Variants in ARPP21 observed in about 807,000 individuals in gnomAD.
ARPP21 encodes cAMP regulated phosphoprotein 21, also known as cAMP-regulated phosphoprotein 21.
Under a neutral mutation model 113.2 loss-of-function variants are expected in ARPP21, and 69 were observed. The observed-to-expected ratio is 0.61, with a 90% CI of 0.50 to 0.74. The LOEUF is 0.74. ARPP21 is among the 30% of genes least tolerant of loss of function. The probability of loss-of-function intolerance (pLI) is 0.00; values close to 1 mark genes in which losing one functional copy is unlikely to be tolerated. For synonymous variants in ARPP21, 368 were observed against 375.5 expected, an observed-to-expected ratio of 0.98 and a Z score of 0.23; for missense variants, 1,070 against 1,037.4, an observed-to-expected ratio of 1.03 and a Z score of -0.43.
chr3:35,678,017 C>T (rs566376607), intron 1 of ARPP21, among the ~76,000 whole-genome samples: 21 of 152,060 alleles, frequency 1.4e-4, no homozygotes, highest in Non-Finnish European at 2.4e-4. Context: ...AATAATACCT[C>T]GCTGACTTTA....
chr3:35,705,803 G>A (rs1022596964), intron 9 of ARPP21, among the ~76,000 whole-genome samples: 1 of 152,038 alleles, frequency 6.6e-6, no homozygotes, highest in African/African-American at 2.4e-5. Flanking sequence ...AACTCTAACT[G>A]ATATTATTCC....
chr3:35,645,708 G>A (rs1004143701), intron 1 of ARPP21, among the ~76,000 whole-genome samples: 9 of 151,860 alleles, frequency 5.9e-5, no homozygotes, highest in Non-Finnish European at 1.3e-4. Flanking sequence ...ATCCTTGGTT[G>A]CTTCTTTATT....
At chr3:35,780,401 G>A (rs557902660) in intron 19 of ARPP21, among the ~76,000 whole-genome samples, 1 of 152,260 alleles carries the variant, frequency 6.6e-6, no homozygotes, top group African/African-American at 2.4e-5. Context: ...GCATATATTG[G>A]TTATTGCCAG....
chr3:35,680,123 C>T (rs561519108), intron 2 of ARPP21, among the ~76,000 whole-genome samples, 163 bp downstream of exon 2: 20 of 151,984 alleles, frequency 1.3e-4, no homozygotes, highest in African/African-American at 4.8e-4. Flanking sequence ...TCAATTTGTT[C>T]ACTCCATTTT....
Position 35,717,300 on chromosome 3 carries a change from G to T in ARPP21, c.938G>T (p.Arg313Met), listed in dbSNP as rs574844611. The part of the protein sequence containing the change: ...SQESLFVENS[R>M]LLEDSNICNE... ...AAAATCATGTTTTTCATTTCCAGTA[G>T]GCTCTTGGAAGACAGTAACATATGC... Residue 313 changes from arginine (R) to methionine (M), a missense_variant and splice_region_variant, in exon 13 of 21, where the codon AGG becomes ATG. Arg to Met is a moderately conservative substitution (Grantham distance 91). Coordinates refer to ENST00000684406, the MANE Select transcript of ARPP21 (RefSeq NM_001385562.1). 47 of 1,594,338 alleles carry T rather than the reference G, an allele frequency of 2.9e-5. 1 individual carries two copies. The South Asian group carries it at 5.2e-4, about 18-fold the overall frequency.
chr3:35,662,919 T>C (rs1028927684), intron 1 of ARPP21, among the ~76,000 whole-genome samples: 1 of 151,874 alleles, frequency 6.6e-6, no homozygotes, highest in African/African-American at 2.4e-5. Context: ...CTGGGAAGGG[T>C]GAGTGGCATA....
At chr3:35,641,300 C>CATTCAAATGCAGAATAA (rs1697992601) in intron 1 of ARPP21, 2 of 152,178 alleles carry the variant, frequency 1.3e-5, no homozygotes, top group Non-Finnish European at 2.9e-5. Flanking sequence ...TATAAGATTT[C>CATTCAAATGCAGAATAA]ATTCAAATGC....
At chr3:35,654,208 A>C (rs539462931) in intron 1 of ARPP21, among the ~76,000 whole-genome samples, 6 of 152,212 alleles carry the variant, frequency 3.9e-5, no homozygotes, top group African/African-American at 1.4e-4. Context: ...ATGCATATTA[A>C]GTGATGAGTG....
At chr3:35,700,459 G>A (rs1051985374) in intron 9 of ARPP21, among the ~76,000 whole-genome samples, 5 of 151,388 alleles carry the variant, frequency 3.3e-5, no homozygotes, top group African/African-American at 7.3e-5. Flanking sequence ...ATGTATTAAT[G>A]CTACTATCAT....
chr3:35,721,009 T>C (rs566205935), intron 13 of ARPP21, among the ~76,000 whole-genome samples: 28 of 152,246 alleles, frequency 1.8e-4, no homozygotes, highest in Non-Finnish European at 2.9e-4. Context: ...TTAAACTCAG[T>C]GGGCAAAATT....
chr3:35,791,845 A>G (rs2096754230), intron 19 of ARPP21, among the ~76,000 whole-genome samples: 1 of 152,186 alleles, frequency 6.6e-6, no homozygotes, highest in Non-Finnish European at 1.5e-5. Context: ...GGTTATCGTG[A>G]ATTCCTCAGG....
chr3:35,673,978 T>C (rs1300895057), intron 1 of ARPP21, among the ~76,000 whole-genome samples: 2 of 151,978 alleles, frequency 1.3e-5, no homozygotes, highest in East Asian at 1.9e-4. Context: ...GAATTGAAGA[T>C]ATGCATTTTA....
chr3:35,769,518 C>T (rs1345040021), intron 19 of ARPP21, among the ~76,000 whole-genome samples: 3 of 152,172 alleles, frequency 2.0e-5, no homozygotes, highest in African/African-American at 4.8e-5. Context: ...CACAGCCCCG[C>T]TTTGCTTTAA....
chr3:35,738,377 TA>T, intron 17 of ARPP21, 59 bp downstream of exon 17: 1 of 1,409,592 alleles, frequency 7.1e-7, no homozygotes, highest in Non-Finnish European at 9.7e-7. Context: ...CTGATTTTAC[TA>T]CTTTTTTGTG....
chr3:35,695,851 T>G (rs997497286), intron 9 of ARPP21, among the ~76,000 whole-genome samples: 3 of 151,492 alleles, frequency 2.0e-5, no homozygotes, highest in African/African-American at 7.3e-5. Flanking sequence ...ATGAAAAGGA[T>G]TTTTTAAAAT....
At chr3:35,674,274 T>G (rs1243063889) in intron 1 of ARPP21, among the ~76,000 whole-genome samples, 2 of 151,930 alleles carry the variant, frequency 1.3e-5, no homozygotes, top group Non-Finnish European at 2.9e-5. Flanking sequence ...ATAGGATAAG[T>G]GTGTAACTCA....
At chr3:35,643,948 T>C (rs762935418) in intron 1 of ARPP21, 8 of 152,046 alleles carry the variant, frequency 5.3e-5, no homozygotes, top group Non-Finnish European at 1.0e-4. Flanking sequence ...AAGTTCTGAA[T>C]ATATTTTAAG....
chr3:35,657,454 T>A (rs1251363108), intron 1 of ARPP21, among the ~76,000 whole-genome samples: 1 of 152,152 alleles, frequency 6.6e-6, no homozygotes, highest in Admixed American at 6.5e-5. Context: ...AAAAAATGCA[T>A]ATGTTTCTCT....
chr3:35,700,361 C>T (rs1292372200), intron 9 of ARPP21, among the ~76,000 whole-genome samples: 1 of 151,536 alleles, frequency 6.6e-6, no homozygotes, highest in Non-Finnish European at 1.5e-5. Context: ...ATATAGTATG[C>T]TAGTTTATGC....
Sources: gnomAD v4.1 joint callset for allele counts (sites outside exome capture counted in the v4.1 genomes callset) on GRCh38, gnomAD v4.1.1 for gene constraint, MANE v1.5 for transcripts, NCBI Gene and HGNC (gene_info 2026-07-23, HGNC 2026-07-21) for gene names.